HS2ST1: variants seen among roughly 807,000 people sequenced by gnomAD.
HS2ST1 encodes the protein 2-O-sulfotransferase.
A neutral mutation model predicts 42.9 loss-of-function variants in HS2ST1; 18 were observed. That is an observed-to-expected ratio of 0.42 (90% CI 0.29 to 0.62). The LOEUF (loss-of-function observed/expected upper bound fraction) is 0.62. Among genes scored for constraint, HS2ST1 ranks in the 20% least tolerant of loss-of-function variants. The pLI, the probability that HS2ST1 is intolerant of heterozygous loss-of-function variation, is 0.21. For missense variants in HS2ST1, 334 were observed against 433.8 expected, an observed-to-expected ratio of 0.77 and a Z score of 2.04; for synonymous variants, 146 against 152.9, an observed-to-expected ratio of 0.95 and a Z score of 0.33.
intron 1 of HS2ST1, 91 bp downstream of exon 1, chr1:86,915,251 G>T: frequency 6.9e-7 from 1 of 1,442,480 alleles, no homozygotes; most frequent in Non-Finnish European, 9.3e-7. Flanking sequence ...CTAACCTGGG[G>T]TCTGGCTCGG....
At chr1:86,946,760 T>C (rs1647353788) in intron 1 of HS2ST1, among the ~76,000 whole-genome samples, 2 of 152,200 alleles carry the variant, frequency 1.3e-5, no homozygotes, top group Admixed American at 1.3e-4. Context: ...TTAATGCACA[T>C]AGCATTGCAG....
At chr1:87,078,894 C>A (rs1433077962) in intron 2 of HS2ST1, among the ~76,000 whole-genome samples, 1 of 152,052 alleles carries the variant, frequency 6.6e-6, no homozygotes, top group Non-Finnish European at 1.5e-5. Flanking sequence ...TAGAGCAGAA[C>A]TGGGACTAGA....
At chr1:86,964,744 CAT>C (rs986671319) in intron 1 of HS2ST1, among the ~76,000 whole-genome samples, 1 of 152,194 alleles carries the variant, frequency 6.6e-6, no homozygotes, top group African/African-American at 2.4e-5. Context: ...CACAGACACA[CAT>C]GTATATTTAT....
intron 1 of HS2ST1, among the ~76,000 whole-genome samples, chr1:87,006,566 A>T (rs142605883): frequency 6.6e-6 from 1 of 152,248 alleles, no homozygotes; most frequent in East Asian, 1.9e-4. Context: ...CCAAATGGTT[A>T]TAGATTTTAG....
intron 1 of HS2ST1, among the ~76,000 whole-genome samples, chr1:86,936,429 G>A (rs181491728): frequency 5.4e-4 from 82 of 152,200 alleles, no homozygotes; most frequent in African/African-American, 1.8e-3. Flanking sequence ...TAGCTACTGT[G>A]TACATTATTA....
intron 1 of HS2ST1, among the ~76,000 whole-genome samples, chr1:86,925,229 T>TA (rs1283673104): frequency 6.6e-6 from 1 of 152,188 alleles, no homozygotes; most frequent in African/African-American, 2.4e-5. Flanking sequence ...GACTGGACCT[T>TA]ATTGTTCATA....
intron 1 of HS2ST1, among the ~76,000 whole-genome samples, chr1:86,943,531 G>A (rs1422843568): frequency 1.3e-5 from 2 of 152,064 alleles, no homozygotes; most frequent in Non-Finnish European, 2.9e-5. Context: ...AGACCAGCCT[G>A]GGCAACATGG....
At chr1:86,970,500 A>G (rs1389554797) in intron 1 of HS2ST1, among the ~76,000 whole-genome samples, 1 of 152,100 alleles carries the variant, frequency 6.6e-6, no homozygotes, top group Admixed American at 6.6e-5. Context: ...TCCCGGGTTC[A>G]AGTGATTGTT....
At chr1:87,081,617 C>G (rs1259985952) in intron 2 of HS2ST1, among the ~76,000 whole-genome samples, 1 of 152,074 alleles carries the variant, frequency 6.6e-6, no homozygotes, top group Non-Finnish European at 1.5e-5. Context: ...CCTAGTGTTG[C>G]ATCTTAAAGA....
chr1:87,044,811 A>G, intron 1 of HS2ST1: 3 of 579,060 alleles, frequency 5.2e-6, no homozygotes, highest in South Asian at 4.4e-5. Flanking sequence ...AGGGAGCAGA[A>G]TCATTTTCAA....
rs1202888894 is a variant in HS2ST1, at chr1:87,018,126, T to C, written c.125-54808T>C. ...TCTTTATTTACCCTTCAAAGATAAA[T>C]AAAAGCCACACACACACACACACAC... On this transcript the variant is annotated intron_variant, in intron 1 of 6. Transcript: ENST00000370550. Among the ~76,000 whole-genome samples the C allele has an allele frequency of 7.2e-5, 8 of 110,850 alleles. No individual in the cohort carries two copies. The East Asian group carries it at 1.3e-3, about 18-fold the overall frequency. 72.7% of individuals were successfully genotyped at this position (110,850 alleles called of 152,430 possible).
At chr1:86,959,014 A>G (rs1016844554) in intron 1 of HS2ST1, among the ~76,000 whole-genome samples, 2 of 152,220 alleles carry the variant, frequency 1.3e-5, no homozygotes, top group African/African-American at 2.4e-5. Flanking sequence ...AGATGCAGAA[A>G]AAGCATTTGA....
At chr1:87,038,995 T>C (rs1433858738) in intron 1 of HS2ST1, among the ~76,000 whole-genome samples, 1 of 152,106 alleles carries the variant, frequency 6.6e-6, no homozygotes, top group Non-Finnish European at 1.5e-5. Flanking sequence ...AAATTTCCCA[T>C]GTATATGGAA....
chr1:87,062,233 T>A (rs1177767481), intron 1 of HS2ST1, among the ~76,000 whole-genome samples: 1 of 152,172 alleles, frequency 6.6e-6, no homozygotes, highest in Non-Finnish European at 1.5e-5. Context: ...ACATTTCTAT[T>A]TATTTGTCTT....
intron 1 of HS2ST1, among the ~76,000 whole-genome samples, chr1:86,942,977 C>T (rs1426421108): frequency 6.6e-6 from 1 of 152,072 alleles, no homozygotes; most frequent in Non-Finnish European, 1.5e-5. Context: ...CTCCTTGGGG[C>T]TTGCTTTAAG....
intron 1 of HS2ST1, among the ~76,000 whole-genome samples, chr1:86,951,530 C>T (rs900802687): frequency 1.4e-5 from 2 of 140,736 alleles, no homozygotes; most frequent in African/African-American, 4.9e-5. Context: ...TTAAAATGTA[C>T]TTTATTGCTA....
chr1:86,949,751 T>C (rs986268352), intron 1 of HS2ST1, among the ~76,000 whole-genome samples: 2 of 152,204 alleles, frequency 1.3e-5, no homozygotes, highest in African/African-American at 2.4e-5. Flanking sequence ...TTTTCATCTT[T>C]CCAGAAACTT....
At chr1:87,076,730 G>A (rs1651553140) in intron 2 of HS2ST1, among the ~76,000 whole-genome samples, 1 of 149,686 alleles carries the variant, frequency 6.7e-6, no homozygotes, top group African/African-American at 2.5e-5. Flanking sequence ...TTGCTGTCAT[G>A]TGTTTAGCCA....
intron 1 of HS2ST1, among the ~76,000 whole-genome samples, chr1:86,995,734 G>A (rs192517594): frequency 2.3e-3 from 343 of 152,242 alleles, no homozygotes; most frequent in African/African-American, 7.8e-3. Context: ...AAACAGGAGA[G>A]ACAAGCTTCT....
Sources: allele counts gnomAD v4.1 joint callset (sites outside exome capture counted in the v4.1 genomes callset), GRCh38; gene constraint gnomAD v4.1.1; transcripts MANE v1.5; gene names NCBI Gene and HGNC (gene_info 2026-07-23, HGNC 2026-07-21).